METTL23: variants seen among roughly 807,000 people sequenced by gnomAD.
The protein encoded by METTL23 is histone-arginine methyltransferase METTL23.
METTL23 carries 24 observed loss-of-function variants against 21.2 expected under a neutral mutation model. The observed-to-expected ratio is 1.13, with a 90% CI of 0.82 to 1.59. METTL23 has a LOEUF of 1.59. Ranked by LOEUF, METTL23 falls within the 40% of genes most tolerant of loss-of-function variation. METTL23 has a pLI of 0.00. For missense variants in METTL23, 276 were observed against 221.4 expected (o/e 1.25, Z -1.57); for synonymous variants, 97 against 75.2 (o/e 1.29, Z -1.50).
chr17:76,731,639 C>G (rs2077212308), intron 2 of METTL23, among the ~76,000 whole-genome samples: 1 of 152,170 alleles, frequency 6.6e-6, no homozygotes. Flanking sequence ...ACTACCTGGC[C>G]TCAGACTGGT....
intron 1 of METTL23, among the ~76,000 whole-genome samples, chr17:76,729,079 G>A (rs1176772227): frequency 3.4e-5 from 5 of 149,246 alleles, no homozygotes; most frequent in East Asian, 2.0e-4. Context: ...GATTACAGGC[G>A]TGACCCACCA....
intron 2 of METTL23, among the ~76,000 whole-genome samples, chr17:76,732,431 G>A (rs1255872081): frequency 2.0e-5 from 3 of 152,060 alleles, no homozygotes; most frequent in Non-Finnish European, 4.4e-5. Flanking sequence ...CCGGGAGGCG[G>A]GGGTTGCAGT....
rs1228667063 is a variant in METTL23, at chr17:76,733,602, CAAAG to C, written c.492_495del (p.Glu165IlefsTer2). ...TTCCTCTTGAGTCTTTTGATGCAGA[CAAAG>C]AAGATATAGCAGAATCTACCCTTCC... On this transcript the variant is annotated frameshift_variant, in exon 5 of 5. Coordinates refer to ENST00000341249, the MANE Select transcript of METTL23 (RefSeq NM_001080510.5). LOFTEE classifies it high-confidence loss of function. 3.1e-6 allele frequency: 5 copies of C among 1,613,562 alleles called. No individual in the cohort carries two copies. Among genetic ancestry groups the C allele is most frequent in the African/African-American group, 1.3e-5 (1 of 74,910 alleles).
chr17:76,732,780 T>TAAA (rs766326220), intron 2 of METTL23, 198 bp from the exon 3 acceptor site: 357 of 602,338 alleles, frequency 5.9e-4, no homozygotes, highest in Non-Finnish European at 3.2e-4. Flanking sequence ...TTTTACCTTT[T>TAAA]AGCAGAGTAG....
Position 76,733,210 on chromosome 17 carries a change from C to CCT in METTL23, c.317_318insCT (p.Glu107Ter). The stretch of plus-strand genomic sequence containing the variant: ...CTTGCATCTGATGTGTTCTTTGAAC[C>CCT]AGAAGGTAAGCTTTTTTGGCTCAAT... On this transcript the variant is annotated frameshift_variant, in exon 3 of 5. Transcript: ENST00000341249. LOFTEE classifies it high-confidence loss of function. 6.2e-7 allele frequency: 1 copy of CCT among 1,613,532 alleles called. No homozygotes were observed. The highest frequency in any genetic ancestry group is 8.5e-7 in the Non-Finnish European group (1 of 1,179,610).
In METTL23 at chr17:76,733,709, G is replaced by GTT; in HGVS notation, c.*23_*24insTT. On this transcript the variant is annotated 3_prime_UTR_variant, in exon 5 of 5. Coordinates refer to ENST00000341249, the MANE Select transcript of METTL23 (RefSeq NM_001080510.5). ...TGAATTATACCTACAACCTGTTCTGGGACAGTATCAATACTGATGAGCAAC... is the reference window on the plus strand; with the variant it reads ...TGAATTATACCTACAACCTGTTCTGGTTGACAGTATCAATACTGATGAGCAAC... The GTT allele has an allele frequency of 6.2e-7, 1 of 1,603,300 alleles. No individual in the cohort carries two copies. Among genetic ancestry groups the GTT allele is most frequent in the Non-Finnish European group, 8.5e-7 (1 of 1,174,966 alleles).
At chr17:76,731,664 A>G (rs1231254310) in intron 2 of METTL23, among the ~76,000 whole-genome samples, 4 of 152,120 alleles carry the variant, frequency 2.6e-5, no homozygotes, top group Admixed American at 1.3e-4. Context: ...GCTTGGAAAA[A>G]CCAATTTTAT....
At position 76,733,733 on chromosome 17, in the gene METTL23, A is replaced by G. The variant is rs751008193; in HGVS notation, c.*47A>G. Reference sequence around the variant, plus strand: ...GGGACAGTATCAATACTGATGAGCAACCTGGCACACAAACTATGAGCAGAC... The same window carrying G: ...GGGACAGTATCAATACTGATGAGCAGCCTGGCACACAAACTATGAGCAGAC... On this transcript the variant is annotated 3_prime_UTR_variant, in exon 5 of 5. Transcript: ENST00000341249. 5.2e-6 allele frequency: 8 copies of G among 1,534,468 alleles called. No homozygotes were observed. The Admixed American group carries it at 9.7e-5, about 19-fold the overall frequency.
chr17:76,726,265 G>A (rs905297742), upstream of METTL23: 1 of 1,468,074 alleles, frequency 6.8e-7, no homozygotes, highest in Non-Finnish European at 9.0e-7. Context: ...TCGGGGCGAG[G>A]GCAGCCTCGG....
chr17:76,728,916 C>A (rs1388039915), intron 1 of METTL23, among the ~76,000 whole-genome samples: 2 of 148,694 alleles, frequency 1.3e-5, no homozygotes, highest in Non-Finnish European at 3.0e-5. Context: ...GTCTCAGCCT[C>A]CGGAGTAGCT....
chr17:76,729,908 T>C (rs911860298), intron 2 of METTL23, 114 bp downstream of exon 2: 1 of 774,920 alleles, frequency 1.3e-6, no homozygotes, highest in Non-Finnish European at 2.2e-6. Flanking sequence ...TCGGGTAATT[T>C]AGCTAGTTTG....
intron 1 of METTL23, among the ~76,000 whole-genome samples, chr17:76,728,466 A>T (rs1399938094): frequency 2.1e-5 from 3 of 141,518 alleles, no homozygotes; most frequent in Non-Finnish European, 3.0e-5. Flanking sequence ...AGACGAGTGC[A>T]GTGGCACAAT....
intron 2 of METTL23, among the ~76,000 whole-genome samples, chr17:76,731,031 C>T (rs559742151): frequency 1.3e-5 from 2 of 151,914 alleles, no homozygotes; most frequent in African/African-American, 2.4e-5. Flanking sequence ...TGGGTGAACC[C>T]GGGAGGCGGA....
upstream of METTL23, chr17:76,726,750 G>T: frequency 2.1e-6 from 1 of 466,430 alleles, no homozygotes; most frequent in Non-Finnish European, 4.0e-6. Context: ...CATACGGCGG[G>T]CCTCCGCCAT....
In METTL23 at chr17:76,726,967, C is replaced by G. The variant is rs2076963973; in HGVS notation, c.-233C>G. ...ATCTGGGCTTTCCCCTTCTTGCCGTCAGGTGCTACGGCCACGTGGCCCGCG... is the reference window on the plus strand; with the variant it reads ...ATCTGGGCTTTCCCCTTCTTGCCGTGAGGTGCTACGGCCACGTGGCCCGCG... On this transcript the variant is annotated 5_prime_UTR_variant, in exon 1 of 5. Coordinates refer to ENST00000341249, the MANE Select transcript of METTL23 (RefSeq NM_001080510.5). 2.2e-6 allele frequency: 1 copy of G among 456,592 alleles called. No homozygotes were observed. The highest frequency in any genetic ancestry group is 2.0e-5 in the African/African-American group (1 of 50,104). 28.3% of individuals were successfully genotyped at this position (456,592 alleles called of 1,614,324 possible).
At position 76,733,507 on chromosome 17, in the gene METTL23, T is replaced by C. The variant is rs2077332811; in HGVS notation, c.408-14T>C. The C allele has an allele frequency of 2.3e-6, 2 of 875,098 alleles. No individual in the cohort carries two copies. Among genetic ancestry groups the C allele is most frequent in the African/African-American group, 3.6e-5 (2 of 55,530 alleles). The allele number at this position is 875,098 out of a possible 1,614,324, so 54.2% of individuals were successfully genotyped here. A position where few individuals can be genotyped will look rare whatever the true frequency, so the allele number is the denominator to read the frequency against. On this transcript the variant is annotated splice_polypyrimidine_tract_variant and intron_variant, in intron 4 of 4. Coordinates refer to ENST00000341249, the MANE Select transcript of METTL23 (RefSeq NM_001080510.5). ...AAAGGCATGACTTTAAAAGAACAACTTTTTTTTTTTAAGTGCTGACTGGTC... is the reference window on the plus strand; with the variant it reads ...AAAGGCATGACTTTAAAAGAACAACCTTTTTTTTTTAAGTGCTGACTGGTC...
intron 2 of METTL23, 106 bp downstream of exon 2, chr17:76,729,900 G>C (rs539442712): frequency 7.4e-6 from 6 of 813,830 alleles, no homozygotes; most frequent in Non-Finnish European, 1.2e-5. Context: ...TTTTTAAATC[G>C]GGTAATTTAG....
chr17:76,730,362 G>T (rs2143823082), intron 2 of METTL23, among the ~76,000 whole-genome samples: 1 of 152,232 alleles, frequency 6.6e-6, no homozygotes, highest in South Asian at 2.1e-4. Context: ...CAGTACTTTG[G>T]AAGGTCGAGG....
Position 76,733,310 on chromosome 17 carries a change from G to T in METTL23, c.340G>T (p.Ala114Ser). The part of the protein sequence containing the change: ...FEPEDFEDIL[A>S]TIYFLMHKNP... ...CTCCTCAGATTTTGAAGACATTTTGGCTACAATATATTTTTTGATGCACAA... is the reference window on the plus strand; with the variant it reads ...CTCCTCAGATTTTGAAGACATTTTGTCTACAATATATTTTTTGATGCACAA... Residue 114 changes from alanine to serine, a missense_variant, in exon 4 of 5, where the codon GCT (alanine) becomes TCT (serine). Physicochemically the swap from Ala to Ser is moderately conservative, Grantham distance 99. Coordinates refer to ENST00000341249, the MANE Select transcript of METTL23 (RefSeq NM_001080510.5). The T allele has an allele frequency of 1.2e-6, 2 of 1,613,864 alleles. No homozygotes were observed. The highest frequency in any genetic ancestry group is 2.2e-5 in the South Asian group (2 of 91,070).
Sources: allele counts gnomAD v4.1 joint callset (sites outside exome capture counted in the v4.1 genomes callset), GRCh38; gene constraint gnomAD v4.1.1; transcripts MANE v1.5; gene names NCBI Gene and HGNC (gene_info 2026-07-23, HGNC 2026-07-21).